Variants in CCDC146 observed in about 807,000 individuals in gnomAD.
The protein encoded by CCDC146 is coiled-coil domain containing 146, also known as coiled-coil domain-containing protein 146.
A neutral mutation model predicts 119.3 loss-of-function variants in CCDC146; 92 were observed. That is an observed-to-expected ratio of 0.77 (90% confidence interval 0.65 to 0.92). The LOEUF (loss-of-function observed/expected upper bound fraction) is 0.92, where lower values mean the gene tolerates loss of function less well. Among genes scored for constraint, CCDC146 ranks in the 40% least tolerant of loss-of-function variants. The probability of loss-of-function intolerance (pLI) is 0.00; values close to 1 mark genes in which losing one functional copy is unlikely to be tolerated. For synonymous variants in CCDC146, 372 were observed against 371.8 expected, an observed-to-expected ratio of 1.00 and a Z score of -0.01; for missense variants, 1,000 against 1,103.0, an observed-to-expected ratio of 0.91 and a Z score of 1.32.
intron 9 of CCDC146, among the ~76,000 whole-genome samples, chr7:77,265,479 A>C (rs561397467): frequency 3.0e-4 from 46 of 152,224 alleles, no homozygotes; most frequent in Non-Finnish European, 4.3e-4. Context: ...TAGAAGCAAT[A>C]ATTTGTCTCA....
At chr7:77,223,856 A>T (rs1322640518) in intron 2 of CCDC146, among the ~76,000 whole-genome samples, 2 of 152,248 alleles carry the variant, frequency 1.3e-5, no homozygotes, top group Non-Finnish European at 2.9e-5. Context: ...ATGTTTAAAC[A>T]TGTTGACCAC....
rs1440883838 is a variant in CCDC146 at position 77,294,908 on chromosome 7, C to T, written c.*42C>T. The T allele has an allele frequency of 1.3e-6, 2 of 1,532,862 alleles. No individual in the cohort carries two copies. The highest frequency in any genetic ancestry group is 1.1e-5 in the South Asian group (1 of 87,752). The allele number at this position is 1,532,862 out of a possible 1,614,324, so 95.0% of individuals were successfully genotyped here. A position where few individuals can be genotyped will look rare whatever the true frequency, so the allele number is the denominator to read the frequency against. ...AGGCCTCTCAAGGAAAAGACTTCAA[C>T]CAGGCTTCCTTGTACCCACAGGTGA... On this transcript the variant is annotated 3_prime_UTR_variant, in exon 19 of 19. Coordinates refer to ENST00000285871, the MANE Select transcript of CCDC146 (RefSeq NM_020879.3).
chr7:77,251,259 T>C (rs532329761), intron 4 of CCDC146, among the ~76,000 whole-genome samples: 1 of 152,152 alleles, frequency 6.6e-6, no homozygotes, highest in African/African-American at 2.4e-5. Flanking sequence ...TGACCTCAAG[T>C]TATCTGCCCG....
intron 17 of CCDC146, among the ~76,000 whole-genome samples, chr7:77,290,861 G>C (rs1793931062): frequency 6.6e-6 from 1 of 152,218 alleles, no homozygotes; most frequent in Non-Finnish European, 1.5e-5. Context: ...CAGAGGTACA[G>C]ATGTGACCAG....
chr7:77,282,369 C>T, intron 14 of CCDC146, 188 bp from the exon 15 acceptor site: 1 of 559,836 alleles, frequency 1.8e-6, no homozygotes. Context: ...CTCAGTAACC[C>T]TCCTATCCCT....
chr7:77,171,356 C>A (rs1253787900), intron 2 of CCDC146, among the ~76,000 whole-genome samples: 3 of 152,170 alleles, frequency 2.0e-5, no homozygotes. Context: ...ACTTAATGAT[C>A]AACACCAGAG....
At chr7:77,156,044 G>A (rs1482500659) in intron 1 of CCDC146, among the ~76,000 whole-genome samples, 4 of 152,130 alleles carry the variant, frequency 2.6e-5, no homozygotes, top group African/African-American at 9.7e-5. Flanking sequence ...TGAAATGAAG[G>A]AGAAGGCCTA....
intron 4 of CCDC146, among the ~76,000 whole-genome samples, chr7:77,253,441 A>C (rs1040032364): frequency 6.6e-6 from 1 of 152,202 alleles, no homozygotes; most frequent in Non-Finnish European, 1.5e-5. Context: ...TGCAATCTGG[A>C]TGTAGAAGAA....
chr7:77,199,524 AT>A, intron 2 of CCDC146: 2 of 1,613,998 alleles, frequency 1.2e-6, no homozygotes, highest in Non-Finnish European at 1.7e-6. Context: ...TCTTTAGACT[AT>A]TTACGATTTC....
chr7:77,133,194 A>C (rs1257106897), intron 1 of CCDC146, among the ~76,000 whole-genome samples: 7 of 152,054 alleles, frequency 4.6e-5, no homozygotes, highest in Admixed American at 2.6e-4. Context: ...TTTTTTTGGC[A>C]AAACTCAGTG....
intron 5 of CCDC146, 152 bp downstream of exon 5, chr7:77,254,715 A>G (rs993045241): frequency 4.6e-5 from 22 of 476,552 alleles, no homozygotes; most frequent in South Asian, 1.1e-4. Context: ...GACTAGCTAC[A>G]TAACTTCTGG....
chr7:77,280,142 A>T (rs1022200072), intron 13 of CCDC146, among the ~76,000 whole-genome samples: 14 of 152,188 alleles, frequency 9.2e-5, no homozygotes, highest in Non-Finnish European at 1.3e-4. Context: ...TGAGAATGAC[A>T]ATAAATGAAT....
Position 77,196,346 on chromosome 7 carries a change from G to C in CCDC146, c.156+28522G>C. On this transcript the variant is annotated intron_variant, in intron 2 of 18. Transcript: ENST00000285871. The surrounding 1 kb of genome is among the most constrained non-coding windows in gnomAD (Gnocchi z 4.2). Reference sequence around the variant, plus strand: ...TTTGAAGGAGGACTTGTAGCCACCAGGGTGTGCCTCACTTACACCAGGCCA... The same window carrying C: ...TTTGAAGGAGGACTTGTAGCCACCACGGTGTGCCTCACTTACACCAGGCCA... 1 of 1,614,108 alleles carries C rather than the reference G, an allele frequency of 6.2e-7. No individual in the cohort carries two copies. The highest frequency in any genetic ancestry group is 1.3e-5 in the African/African-American group (1 of 75,040).
At chr7:77,140,981 A>G (rs1790924155) in intron 1 of CCDC146, among the ~76,000 whole-genome samples, 1 of 152,006 alleles carries the variant, frequency 6.6e-6, no homozygotes, top group East Asian at 1.9e-4. Context: ...CAGGTTTGTT[A>G]CATAACTATA....
intron 1 of CCDC146, among the ~76,000 whole-genome samples, chr7:77,137,017 T>C (rs1166099797): frequency 2.0e-5 from 3 of 152,130 alleles, no homozygotes; most frequent in Non-Finnish European, 4.4e-5. Flanking sequence ...ACCATATCAA[T>C]AGATGCAGAA....
rs1365126372 is a variant in CCDC146, at chr7:77,136,837, A to G, written c.-12+14105A>G. Among the ~76,000 whole-genome samples, 5 of 152,168 alleles carry G rather than the reference A, an allele frequency of 3.3e-5. No individual in the cohort carries two copies. In the South Asian group the frequency reaches 6.2e-4, roughly 19 times the overall value. On this transcript the variant is annotated intron_variant, in intron 1 of 18. Coordinates refer to ENST00000285871, the MANE Select transcript of CCDC146 (RefSeq NM_020879.3). Reference sequence around the variant, plus strand: ...ACAAAATTATGGACCAATGTCTCCCATAAACACTAAGTGCAAAAATCCTCA... The same window carrying G: ...ACAAAATTATGGACCAATGTCTCCCGTAAACACTAAGTGCAAAAATCCTCA...
intron 14 of CCDC146, among the ~76,000 whole-genome samples, chr7:77,281,627 A>G (rs1008521781): frequency 6.6e-6 from 1 of 152,216 alleles, no homozygotes; most frequent in Non-Finnish European, 1.5e-5. Context: ...TCTGTTGTCA[A>G]GAGAACTTGA....
rs533294113 is a variant in CCDC146, at chr7:77,292,612, G to A, written c.2416-340G>A. On this transcript the variant is annotated intron_variant, in intron 17 of 18. Transcript: ENST00000285871. ...AGCCAGGGCGACAGAGCGAGACTCA[G>A]TCTCAAAAAAAAAAAAAAAAAAAGA... Among the ~76,000 whole-genome samples, 517 of 112,894 alleles carry A rather than the reference G, an allele frequency of 4.6e-3. 2 individuals carry two copies. Among genetic ancestry groups the A allele is most frequent in the African/African-American group, 0.018 (472 of 26,588 alleles). 74.1% of individuals were successfully genotyped at this position (112,894 alleles called of 152,430 possible). A position where few individuals can be genotyped will look rare whatever the true frequency, so the allele number is the denominator to read the frequency against.
chr7:77,138,462 C>G (rs1337554186), intron 1 of CCDC146, among the ~76,000 whole-genome samples: 1 of 151,994 alleles, frequency 6.6e-6, no homozygotes, highest in Admixed American at 6.6e-5. Flanking sequence ...CCTAGATGAC[C>G]TTGGGTTTGG....
Sources: allele counts gnomAD v4.1 joint callset (sites outside exome capture counted in the v4.1 genomes callset), GRCh38; gene constraint gnomAD v4.1.1; non-coding constraint Gnocchi (gnomAD v3.1); transcripts MANE v1.5; gene names NCBI Gene and HGNC (gene_info 2026-07-23, HGNC 2026-07-21).